The following DYNC1H1 variants were observed in gnomAD, a reference collection of about 807,000 sequenced individuals.
DYNC1H1 encodes the protein dynein cytoplasmic 1 heavy chain 1.
A neutral mutation model predicts 527.1 loss-of-function variants in DYNC1H1; 51 were observed. That is an observed-to-expected ratio of 0.10 (90% CI 0.08 to 0.12). DYNC1H1 has a LOEUF of 0.12. DYNC1H1 is among the 10% of genes least tolerant of loss of function. The pLI, the probability that DYNC1H1 is intolerant of heterozygous loss-of-function variation, is 1.00. For missense variants in DYNC1H1, 2,771 were observed against 5,971.8 expected, an observed-to-expected ratio of 0.46 and a Z score of 17.66; for synonymous variants, 2,189 against 2,278.8, an observed-to-expected ratio of 0.96 and a Z score of 1.12.
chr14:102,010,785 G>T lies in DYNC1H1; in HGVS notation c.6451G>T (p.Ala2151Ser). The change falls in exon 32 of 78, where the codon GCA becomes TCA. Residue 2151 changes from alanine (A) to serine (S), a missense_variant. By Grantham distance (99) the Ala-to-Ser change is moderately conservative (BLOSUM62 1). This residue lies in a region of DYNC1H1 where 56 missense variants were observed against 140.6 expected (regional missense o/e 0.40). Coordinates refer to ENST00000360184, the MANE Select transcript of DYNC1H1 (RefSeq NM_001376.5). This position sits in a 1 kb window ranked among gnomAD's most constrained non-coding sequence, Gnocchi z 6.0. ...TGAGACGATGGTGCCAAAGCTGGTG[G>T]CAGAGGACATCCCGCTGCTCTTCAG... ...VCETMVPKLVAEDIPLLFSLL... is the reference protein window; with the variant it reads ...VCETMVPKLVSEDIPLLFSLL... The T allele has an allele frequency of 6.2e-7, 1 of 1,613,750 alleles. No homozygotes were observed. The highest frequency in any genetic ancestry group is 8.5e-7 in the Non-Finnish European group (1 of 1,179,978).
chr14:102,016,205 C>A lies in DYNC1H1; in HGVS notation c.7473+119C>A. 2 of 1,500,402 alleles carry A rather than the reference C, an allele frequency of 1.3e-6. No homozygotes were observed. The highest frequency in any genetic ancestry group is 9.1e-7 in the Non-Finnish European group (1 of 1,102,202). 92.9% of individuals were successfully genotyped at this position (1,500,402 alleles called of 1,614,324 possible). On this transcript the variant is annotated intron_variant, in intron 36 of 77. Transcript: ENST00000360184. This position sits in a 1 kb window ranked among gnomAD's most constrained non-coding sequence, Gnocchi z 7.3. ...TCTCTCCTAGGCGAGGCAGAGCCTTCGTTGAGGGGCTAGGAAAGGTGCAGT... is the reference window on the plus strand; with the variant it reads ...TCTCTCCTAGGCGAGGCAGAGCCTTAGTTGAGGGGCTAGGAAAGGTGCAGT...
rs2048265938 is a variant in DYNC1H1, at chr14:102,012,198, T to C, written c.6857+85T>C. ...CTCACAAGAGCAGAGTATACGTTAT[T>C]TTTCAACCAAAGTCTGAGCAAATTA... On this transcript the variant is annotated intron_variant, in intron 33 of 77. Transcript: ENST00000360184. The surrounding 1 kb of genome is among the most constrained non-coding windows in gnomAD (Gnocchi z 4.9). 1 of 1,611,660 alleles carries C rather than the reference T, an allele frequency of 6.2e-7. No individual in the cohort carries two copies.
At chr14:102,043,570 A>C in intron 69 of DYNC1H1, 1 of 414,000 alleles carries the variant, frequency 2.4e-6, no homozygotes. Flanking sequence ...GGATTGTGGC[A>C]GGGGTTTCGT....
rs751161513 is a variant in DYNC1H1, at chr14:102,055,102, T to G, written c.*4539T>G. 3 of 152,220 alleles carry G rather than the reference T, an allele frequency of 2.0e-5. No individual in the cohort carries two copies. Among genetic ancestry groups the G allele is most frequent in the African/African-American group, 4.8e-5 (2 of 41,458 alleles). 9.4% of individuals were successfully genotyped at this position (152,220 alleles called of 1,614,324 possible). A position where few individuals can be genotyped will look rare whatever the true frequency, so the allele number is the denominator to read the frequency against. ...TCCTAGCCCAGGTCAAAGTGGGCCT[T>G]CGGGAGGACCCTGGAGGAGAAGCCC... On this transcript the variant is annotated 3_prime_UTR_variant, in exon 78 of 78. Transcript: ENST00000360184.
chr14:101,995,996 G>A (rs1349194283), intron 15 of DYNC1H1, among the ~76,000 whole-genome samples: 6 of 150,894 alleles, frequency 4.0e-5, no homozygotes, highest in East Asian at 4.0e-4. Context: ...GCTGGGAGGC[G>A]GAGGTTGCAG....
rs112312767 is a variant in DYNC1H1, at chr14:101,965,199, C to G, written c.256+252C>G. 1.3e-5 allele frequency among the ~76,000 whole-genome samples: 2 copies of G among 152,036 alleles called. No homozygotes were observed. Among genetic ancestry groups the G allele is most frequent in the Non-Finnish European group, 2.9e-5 (2 of 67,960 alleles). On this transcript the variant is annotated intron_variant, in intron 1 of 77. Transcript: ENST00000360184. The surrounding 1 kb of genome is among the most constrained non-coding windows in gnomAD (Gnocchi z 4.1). ...CACCCACTGCCCGGCCCGGAGCCCCCAGGGCGCCCCGCTCCTGGTCGCGGG... is the reference window on the plus strand; with the variant it reads ...CACCCACTGCCCGGCCCGGAGCCCCGAGGGCGCCCCGCTCCTGGTCGCGGG...
chr14:102,010,971 C>T lies in DYNC1H1; in HGVS notation c.6618+19C>T, dbSNP rs1227128191. ...TGAAAAGGTAACTTGGATTGTTTCA[C>T]TGGCCACTGCCCTCACAGACCCTGC... On this transcript the variant is annotated intron_variant, in intron 32 of 77. Coordinates refer to ENST00000360184, the MANE Select transcript of DYNC1H1 (RefSeq NM_001376.5). This position sits in a 1 kb window ranked among gnomAD's most constrained non-coding sequence, Gnocchi z 6.0. 3 of 1,613,652 alleles carry T rather than the reference C, an allele frequency of 1.9e-6. No individual in the cohort carries two copies. In the Admixed American group the frequency reaches 5.0e-5, roughly 27 times the overall value.
Position 102,050,725 on chromosome 14 carries a change from G to A in DYNC1H1, c.*162G>A. 2 of 1,166,492 alleles carry A rather than the reference G, an allele frequency of 1.7e-6. No individual in the cohort carries two copies. Among genetic ancestry groups the A allele is most frequent in the Non-Finnish European group, 1.2e-6 (1 of 812,710 alleles). The allele number at this position is 1,166,492 out of a possible 1,614,324, so 72.3% of individuals were successfully genotyped here. ...CGGTTGGGAGTGGTGGAAATTGGAA[G>A]GATACCAGGAGGTATTTGGGAAGGC... On this transcript the variant is annotated 3_prime_UTR_variant, in exon 78 of 78. Transcript: ENST00000360184.
intron 42 of DYNC1H1, 106 bp from the exon 43 acceptor site, chr14:102,022,645 G>C (rs1219902916): frequency 2.0e-6 from 3 of 1,513,326 alleles, no homozygotes; most frequent in Non-Finnish European, 2.7e-6. Context: ...GATAAAGACT[G>C]ACTGCATCCT....
Position 102,039,309 on chromosome 14 carries a change from C to G in DYNC1H1, c.11460+55C>G. 3 of 1,611,634 alleles carry G rather than the reference C, an allele frequency of 1.9e-6. No homozygotes were observed. The highest frequency in any genetic ancestry group is 2.5e-6 in the Non-Finnish European group (3 of 1,179,974). ...GGGCCCCGCACAGTAGCTCCTTGGCCGCACAGAGGCTGGCGGGCCCTGCAC... is the reference window on the plus strand; with the variant it reads ...GGGCCCCGCACAGTAGCTCCTTGGCGGCACAGAGGCTGGCGGGCCCTGCAC... On this transcript the variant is annotated intron_variant, in intron 60 of 77. Transcript: ENST00000360184. This position sits in a 1 kb window ranked among gnomAD's most constrained non-coding sequence, Gnocchi z 7.0.
chr14:102,043,569 C>G (rs549244551), intron 69 of DYNC1H1: 1 of 413,684 alleles, frequency 2.4e-6, no homozygotes, highest in African/African-American at 2.0e-5. Context: ...GGGATTGTGG[C>G]AGGGGTTTCG....
Position 102,044,209 on chromosome 14 carries a change from C to G in DYNC1H1, c.12685-65C>G. The G allele has an allele frequency of 6.2e-7, 1 of 1,600,266 alleles. No individual in the cohort carries two copies. The highest frequency in any genetic ancestry group is 8.5e-7 in the Non-Finnish European group (1 of 1,174,178). On this transcript the variant is annotated intron_variant, in intron 70 of 77. Coordinates refer to ENST00000360184, the MANE Select transcript of DYNC1H1 (RefSeq NM_001376.5). This position sits in a 1 kb window ranked among gnomAD's most constrained non-coding sequence, Gnocchi z 7.1. ...GAGTGAGGAGGAAAGCTGTGCCCCTCGAAAGGAAGCCCCGGGCCTGCCCGC... is the reference window on the plus strand; with the variant it reads ...GAGTGAGGAGGAAAGCTGTGCCCCTGGAAAGGAAGCCCCGGGCCTGCCCGC...
At position 101,965,379 on chromosome 14, in the gene DYNC1H1, T is replaced by G. The variant is rs2141259154; in HGVS notation, c.256+432T>G. ...CCTGCCTCCAGTGTCACATGAGCTT[T>G]TCGGTTTCGATTTGTGTCCAAGCCA... is the stretch of plus-strand genomic sequence containing the variant. On this transcript the variant is annotated intron_variant, in intron 1 of 77. Transcript: ENST00000360184. This position sits in a 1 kb window ranked among gnomAD's most constrained non-coding sequence, Gnocchi z 4.1. Among the ~76,000 whole-genome samples the G allele has an allele frequency of 6.6e-6, 1 of 152,330 alleles. No individual in the cohort carries two copies. The highest frequency in any genetic ancestry group is 2.4e-5 in the African/African-American group (1 of 41,580).
Position 102,041,846 on chromosome 14 carries a change from A to AAACTCCTCCT in DYNC1H1, c.12102+113_12102+114insACTCCTCCTA. 6.4e-7 allele frequency: 1 copy of AAACTCCTCCT among 1,560,004 alleles called. No homozygotes were observed. The highest frequency in any genetic ancestry group is 8.7e-7 in the Non-Finnish European group (1 of 1,143,672). On this transcript the variant is annotated intron_variant, in intron 65 of 77. Transcript: ENST00000360184. The surrounding 1 kb of genome is among the most constrained non-coding windows in gnomAD (Gnocchi z 4.5). ...TCACTCCGGGCTACAGTCTCCTCCT[A>AAACTCCTCCT]AGACCAGGAACTCGCTGCAGATTCT...
chr14:102,001,374 G>C lies in DYNC1H1; in HGVS notation c.4395+20G>C, dbSNP rs377176132. Reference sequence around the variant, plus strand: ...AAGCAGGCGAGTAATAGGACTGAACGGCTGCTTTACGTTGTGTTTCGGGCT... The same window carrying C: ...AAGCAGGCGAGTAATAGGACTGAACCGCTGCTTTACGTTGTGTTTCGGGCT... On this transcript the variant is annotated intron_variant, in intron 20 of 77. Coordinates refer to ENST00000360184, the MANE Select transcript of DYNC1H1 (RefSeq NM_001376.5). This position sits in a 1 kb window ranked among gnomAD's most constrained non-coding sequence, Gnocchi z 5.0. 1.9e-6 allele frequency: 3 copies of C among 1,613,840 alleles called. No homozygotes were observed. In the South Asian group the frequency reaches 3.3e-5, roughly 18 times the overall value.
intron 55 of DYNC1H1, 26 bp from the exon 56 acceptor site, chr14:102,034,299 G>A (rs2048545276): frequency 6.2e-7 from 1 of 1,614,118 alleles, no homozygotes; most frequent in Non-Finnish European, 8.5e-7. Context: ...GTGAAGAGGA[G>A]GAAAGGTAAC....
rs1229741033 is a variant in DYNC1H1, at chr14:101,965,271, G to C, written c.256+324G>C. Among the ~76,000 whole-genome samples the C allele has an allele frequency of 6.6e-6, 1 of 152,218 alleles. No individual in the cohort carries two copies. The highest frequency in any genetic ancestry group is 1.5e-5 in the Non-Finnish European group (1 of 68,024). Reference sequence around the variant, plus strand: ...TGCCGTCACCCAAAACAATGGGGTCGCTTTGTCTGCTCGGGCCTCTCAAGA... The same window carrying C: ...TGCCGTCACCCAAAACAATGGGGTCCCTTTGTCTGCTCGGGCCTCTCAAGA... On this transcript the variant is annotated intron_variant, in intron 1 of 77. Coordinates refer to ENST00000360184, the MANE Select transcript of DYNC1H1 (RefSeq NM_001376.5). This position sits in a 1 kb window ranked among gnomAD's most constrained non-coding sequence, Gnocchi z 4.1.
At chr14:101,973,795 CA>C (rs1737313750) in intron 1 of DYNC1H1, among the ~76,000 whole-genome samples, 1 of 152,110 alleles carries the variant, frequency 6.6e-6, no homozygotes, top group Non-Finnish European at 1.5e-5. Flanking sequence ...CAGAGCAAGA[CA>C]TTGTCTCTAA....
chr14:101,974,875 C>T (rs1056277533), intron 1 of DYNC1H1, among the ~76,000 whole-genome samples: 3 of 152,142 alleles, frequency 2.0e-5, no homozygotes, highest in African/African-American at 7.2e-5. Context: ...TGTTGTATTG[C>T]GTGGAATCTA....
Sources: gnomAD v4.1 joint callset for allele counts (sites outside exome capture counted in the v4.1 genomes callset) on GRCh38, gnomAD v4.1.1 for gene constraint, gnomAD v4.1.1 regional missense constraint, Gnocchi (gnomAD v3.1) non-coding constraint, MANE v1.5 for transcripts, NCBI Gene and HGNC (gene_info 2026-07-23, HGNC 2026-07-21) for gene names.